ENO4: variants seen among roughly 807,000 people sequenced by gnomAD.
ENO4 encodes the protein enolase 4.
In ENO4, 53 loss-of-function variants were observed where a neutral mutation model predicts 63.2. The observed-to-expected ratio is 0.84, with a 90% CI of 0.67 to 1.05. The LOEUF is 1.05. Among genes scored for constraint, ENO4 ranks in the 50% least tolerant of loss-of-function variants. ENO4 has a pLI of 0.00. For synonymous variants in ENO4, 266 were observed against 283.8 expected (o/e 0.94, Z 0.63); for missense variants, 719 against 772.0 (o/e 0.93, Z 0.81).
At chr10:116,907,816 A>C (rs1848032587) in intron 10 of ENO4, 1 of 496,256 alleles carries the variant, frequency 2.0e-6, no homozygotes, top group African/African-American at 1.9e-5. Flanking sequence ...CAGAGTCAAA[A>C]GACAGCTTTT....
chr10:116,868,746 T>C lies in ENO4; in HGVS notation c.1047+40T>C, dbSNP rs552011958. ...TGTTTACCATCCTTCCATATGACAC[T>C]GTCTATAAATTTCCTGCCCCTTTTT... On this transcript the variant is annotated intron_variant, in intron 8 of 13. Transcript: ENST00000341276. 6.6e-6 allele frequency: 10 copies of C among 1,512,142 alleles called. No individual in the cohort carries two copies. In the East Asian group the frequency reaches 2.2e-4, roughly 33 times the overall value. The allele number at this position is 1,512,142 out of a possible 1,614,324, so 93.7% of individuals were successfully genotyped here. A position where few individuals can be genotyped will look rare whatever the true frequency, so the allele number is the denominator to read the frequency against.
chr10:116,864,802 T>G (rs1389980788), intron 7 of ENO4, among the ~76,000 whole-genome samples: 1 of 152,004 alleles, frequency 6.6e-6, no homozygotes, highest in Non-Finnish European at 1.5e-5. Context: ...GGCAAATCAC[T>G]TGAGGTCAGG....
Position 116,881,388 on chromosome 10 carries a change from G to A in ENO4, c.1724-127G>A, listed in dbSNP as rs569894172. The A allele has an allele frequency of 2.7e-4, 178 of 665,872 alleles. 2 individuals carry two copies. In the East Asian group the frequency reaches 5.0e-3, roughly 19 times the overall value. The allele number at this position is 665,872 out of a possible 1,614,324, so 41.2% of individuals were successfully genotyped here. A position where few individuals can be genotyped will look rare whatever the true frequency, so the allele number is the denominator to read the frequency against. On this transcript the variant is annotated intron_variant, in intron 13 of 13. Coordinates refer to ENST00000341276, the MANE Select transcript of ENO4 (RefSeq NM_001242699.2). ...GATACGCCCAGTTGTAAATGGTTCT[G>A]GAGTCCTTTCCGATGGTGATGTGAC...
Position 116,881,533 on chromosome 10 carries a change from CTTT to C in ENO4, c.1748_1750del (p.Phe583del). 2 of 1,543,152 alleles carry C rather than the reference CTTT, an allele frequency of 1.3e-6. No homozygotes were observed. The highest frequency in any genetic ancestry group is 2.8e-5 in the African/African-American group (2 of 72,640). On this transcript the variant is annotated inframe_deletion, in exon 14 of 14. Transcript: ENST00000341276. ...TAAATAGGTTTCAAAGAAGAACACA[CTTT>C]TTTTTACTTTAATGAGGAAGCTGAA...
chr10:116,863,224 A>C (rs1459387732), intron 7 of ENO4, among the ~76,000 whole-genome samples: 1 of 152,220 alleles, frequency 6.6e-6, no homozygotes, highest in Non-Finnish European at 1.5e-5. Context: ...CTGGCAGAGC[A>C]GCCCTCTTAG....
downstream of ENO4, chr10:116,886,349 A>G: frequency 6.4e-7 from 1 of 1,553,080 alleles, no homozygotes; most frequent in Non-Finnish European, 8.7e-7. Context: ...ATGGATCAGC[A>G]GTTGGAGCTG....
Position 116,871,262 on chromosome 10 carries a change from C to G in ENO4, c.1185C>G (p.Ile395Met). 1 of 1,550,434 alleles carries G rather than the reference C, an allele frequency of 6.4e-7. No homozygotes were observed. Among genetic ancestry groups the G allele is most frequent in the Middle Eastern group, 1.7e-4 (1 of 5,992 alleles). The change falls in exon 9 of 14, where the codon ATC (isoleucine) becomes ATG (methionine). Residue 395 changes from isoleucine to methionine, a missense_variant. This residue lies in a region of ENO4 where 544 missense variants were observed against 583.6 expected (regional missense o/e 0.93). Coordinates refer to ENST00000341276, the MANE Select transcript of ENO4 (RefSeq NM_001242699.2). Reference protein sequence around the residue: ...LELGTNLHLAINCAGHELMDY... With the variant: ...LELGTNLHLAMNCAGHELMDY... ...TGGGAACAAATCTGCATCTAGCTAT[C>G]AACTGTGCTGGACATGAGCTGATGG...
chr10:116,868,515 G>C (rs115088144), intron 7 of ENO4, 135 bp from the exon 8 acceptor site: 1 of 739,502 alleles, frequency 1.4e-6, no homozygotes, highest in East Asian at 2.7e-5. Context: ...GCATGAGTGC[G>C]TGTGTGTGCG....
At chr10:116,902,977 C>T (rs1163751232) in intron 10 of ENO4, among the ~76,000 whole-genome samples, 1 of 152,060 alleles carries the variant, frequency 6.6e-6, no homozygotes, top group Non-Finnish European at 1.5e-5. Context: ...TTTAATGTGC[C>T]TGATATACTC....
intron 8 of ENO4, among the ~76,000 whole-genome samples, chr10:116,870,521 G>A (rs1453788382): frequency 6.6e-6 from 1 of 152,126 alleles, no homozygotes; most frequent in Non-Finnish European, 1.5e-5. Context: ...CATGCCTGTA[G>A]TCTCAGCTCC....
At chr10:116,849,841 G>A in intron 1 of ENO4, 110 bp downstream of exon 1, 2 of 1,267,070 alleles carry the variant, frequency 1.6e-6, no homozygotes, top group Non-Finnish European at 2.2e-6. Flanking sequence ...CATGCCAGCC[G>A]CCCGGGCCCT....
chr10:116,909,706 G>A (rs1055105585), intron 10 of ENO4, among the ~76,000 whole-genome samples: 18 of 152,144 alleles, frequency 1.2e-4, no homozygotes, highest in Non-Finnish European at 2.6e-4. Flanking sequence ...AAATAGAATA[G>A]GGGTTTGAAA....
intron 12 of ENO4, 65 bp from the exon 13 acceptor site, chr10:116,879,804 G>T (rs895485066): frequency 1.1e-5 from 14 of 1,230,184 alleles, no homozygotes; most frequent in Admixed American, 1.1e-4. Context: ...TGTCTTTAAA[G>T]AATTGTTTGT....
In ENO4 at chr10:116,871,394, CTTA is replaced by C. The variant is rs773557581; in HGVS notation, c.1215+105_1215+107del. 226 of 1,070,840 alleles carry C rather than the reference CTTA, an allele frequency of 2.1e-4. 1 individual carries two copies. The Middle Eastern group carries it at 2.4e-3, about 11-fold the overall frequency. The allele number at this position is 1,070,840 out of a possible 1,614,324, so 66.3% of individuals were successfully genotyped here. A position where few individuals can be genotyped will look rare whatever the true frequency, so the allele number is the denominator to read the frequency against. On this transcript the variant is annotated intron_variant, in intron 9 of 13. Coordinates refer to ENST00000341276, the MANE Select transcript of ENO4 (RefSeq NM_001242699.2). Reference sequence around the variant, plus strand: ...TTATCTGAATATTGTCCAAACAGATCTTATTGTTTTTTTATTAATATTGTGTGA... The same window carrying C: ...TTATCTGAATATTGTCCAAACAGATCTTGTTTTTTTATTAATATTGTGTGA...
rs1407496394 is a variant in ENO4 at position 116,855,637 on chromosome 10, T to C, written c.180T>C (p.Ser60=). 6.5e-7 allele frequency: 1 copy of C among 1,536,264 alleles called. No individual in the cohort carries two copies. The highest frequency in any genetic ancestry group is 2.0e-5 in the Admixed American group (1 of 50,994). The change falls in exon 2 of 14, where the codon TCT becomes TCC. Residue 60 remains serine, a synonymous_variant. Transcript: ENST00000341276. ...GTGTGTTGAAGGCAAACTGCTTTTCTAAACTTGCAAAGCCTCCCACCATAT... is the reference window on the plus strand; with the variant it reads ...GTGTGTTGAAGGCAAACTGCTTTTCCAAACTTGCAAAGCCTCCCACCATAT... ...DVYGHLANCF[S]KLAKPPTICK...
intron 10 of ENO4, among the ~76,000 whole-genome samples, chr10:116,905,208 C>G (rs1046413049): frequency 1.6e-5 from 1 of 63,422 alleles, no homozygotes; most frequent in Non-Finnish European, 3.7e-5. Flanking sequence ...GACTCCGTCT[C>G]AAAAAAAAAA....
chr10:116,869,340 A>G (rs890387253), intron 8 of ENO4, among the ~76,000 whole-genome samples: 1 of 152,210 alleles, frequency 6.6e-6, no homozygotes, highest in Non-Finnish European at 1.5e-5. Flanking sequence ...AGAAGAGCCA[A>G]TAAGAACTTT....
At chr10:116,908,454 C>T (rs1176824299) in intron 10 of ENO4, among the ~76,000 whole-genome samples, 1 of 152,066 alleles carries the variant, frequency 6.6e-6, no homozygotes, top group Non-Finnish European at 1.5e-5. Flanking sequence ...AAAATAGAAC[C>T]ATAGCCACTT....
intron 10 of ENO4, among the ~76,000 whole-genome samples, chr10:116,874,850 T>A (rs1391173482): frequency 6.6e-6 from 1 of 152,036 alleles, no homozygotes; most frequent in Non-Finnish European, 1.5e-5. Context: ...ATTTTGGTAT[T>A]TTTAGTAGAA....
Sources: gnomAD v4.1 joint callset for allele counts (sites outside exome capture counted in the v4.1 genomes callset) on GRCh38, gnomAD v4.1.1 for gene constraint, gnomAD v4.1.1 regional missense constraint, MANE v1.5 for transcripts, NCBI Gene and HGNC (gene_info 2026-07-23, HGNC 2026-07-21) for gene names.